EPB41L3: variants seen among roughly 807,000 people sequenced by gnomAD.
EPB41L3 encodes the protein band 4.1-like protein 3.
A neutral mutation model predicts 127.1 loss-of-function variants in EPB41L3; 57 were observed. That is an observed-to-expected ratio of 0.45 (90% CI 0.36 to 0.56). EPB41L3 has a LOEUF of 0.56. Among genes scored for constraint, EPB41L3 ranks in the 20% least tolerant of loss-of-function variants. The pLI, the probability that EPB41L3 is intolerant of heterozygous loss-of-function variation, is 0.00. For missense variants in EPB41L3, 1,273 were observed against 1,372.2 expected, an observed-to-expected ratio of 0.93 and a Z score of 1.14; for synonymous variants, 572 against 549.5, an observed-to-expected ratio of 1.04 and a Z score of -0.57.
chr18:5,531,336 T>G (rs562122126), intron 1 of EPB41L3, among the ~76,000 whole-genome samples: 1 of 152,234 alleles, frequency 6.6e-6, no homozygotes, highest in South Asian at 2.1e-4. Context: ...GCAGTCAAAA[T>G]TCAGAAAAGG....
intron 3 of EPB41L3, among the ~76,000 whole-genome samples, chr18:5,468,565 C>CT (rs1170631514): frequency 6.6e-6 from 1 of 152,180 alleles, no homozygotes; most frequent in African/African-American, 2.4e-5. Flanking sequence ...CCTCTGAGGG[C>CT]TGCACACTCG....
chr18:5,488,579 G>GATAATAATAATAATAATAATAATA lies in EPB41L3; in HGVS notation c.183+421_183+422insTATTATTATTATTATTATTATTAT, dbSNP rs1358108812. On this transcript the variant is annotated intron_variant, in intron 2 of 22. Transcript: ENST00000341928. ...AAAGTATAATAATAATGATGATGAT[G>GATAATAATAATAATAATAATAATA]ATGATAATAATAATAATAATAATAA... 2.4e-4 allele frequency among the ~76,000 whole-genome samples: 36 copies of GATAATAATAATAATAATAATAATA among 148,818 alleles called. No homozygotes were observed. The East Asian group carries it at 2.8e-3, about 11-fold the overall frequency.
rs565496501 is a variant in EPB41L3, at chr18:5,601,243, C to A, written c.-306+11097G>T. Reference sequence around the variant, plus strand: ...TCTAAGTCTTGAGACTCTTAATGGACTGTAACTAGAGAAGGAGATAAGGCT... The same window carrying A: ...TCTAAGTCTTGAGACTCTTAATGGAATGTAACTAGAGAAGGAGATAAGGCT... On this transcript the variant is annotated intron_variant, in intron 3 of 21. Transcript: ENST00000545076. Among the ~76,000 whole-genome samples, 405 of 152,226 alleles carry A rather than the reference C, an allele frequency of 2.7e-3. 2 individuals are homozygous for A. Among genetic ancestry groups the A allele is most frequent in the African/African-American group, 9.2e-3 (384 of 41,532 alleles).
intron 1 of EPB41L3, among the ~76,000 whole-genome samples, chr18:5,499,086 A>G (rs548910345): frequency 6.7e-6 from 1 of 149,864 alleles, no homozygotes; most frequent in Non-Finnish European, 1.5e-5. Flanking sequence ...GCCTGAGAAC[A>G]TAAAGGAAGC....
intron 6 of EPB41L3, among the ~76,000 whole-genome samples, chr18:5,437,094 A>G (rs1360568652): frequency 6.6e-6 from 1 of 152,206 alleles, no homozygotes; most frequent in Non-Finnish European, 1.5e-5. Flanking sequence ...GAAGCCTAGA[A>G]GGTCAGAGCA....
intron 3 of EPB41L3, among the ~76,000 whole-genome samples, chr18:5,471,549 C>T (rs989873451): frequency 5.3e-5 from 8 of 152,276 alleles, no homozygotes; most frequent in South Asian, 2.1e-4. Flanking sequence ...GACTGCTTTC[C>T]GCATTAAACC....
chr18:5,597,208 G>A (rs141727959), intron 3 of EPB41L3, among the ~76,000 whole-genome samples: 2,205 of 152,204 alleles, frequency 0.014, 30 homozygotes, highest in Non-Finnish European at 0.022. Context: ...CTCCTCAAGT[G>A]CCTTTTGGTT....
At chr18:5,455,820 A>T (rs2082969465) in intron 3 of EPB41L3, among the ~76,000 whole-genome samples, 1 of 151,054 alleles carries the variant, frequency 6.6e-6, no homozygotes, top group Non-Finnish European at 1.5e-5. Flanking sequence ...TTGGCAGCAA[A>T]CTGTCAGACA....
At chr18:5,549,986 G>C (rs1010587261) in intron 3 of EPB41L3, among the ~76,000 whole-genome samples, 6 of 152,186 alleles carry the variant, frequency 3.9e-5, no homozygotes, top group African/African-American at 1.4e-4. Flanking sequence ...CAGTTCATTA[G>C]CAGTAAGTAT....
chr18:5,483,275 A>T (rs945262666), intron 2 of EPB41L3, among the ~76,000 whole-genome samples: 3 of 152,080 alleles, frequency 2.0e-5, no homozygotes, highest in African/African-American at 7.2e-5. Context: ...ATTTGTTTAA[A>T]ATAACTTGCT....
At chr18:5,496,657 T>C (rs902165854) in intron 1 of EPB41L3, among the ~76,000 whole-genome samples, 3 of 152,244 alleles carry the variant, frequency 2.0e-5, no homozygotes, top group Non-Finnish European at 4.4e-5. Context: ...GGCCTGATTA[T>C]CTAAGATTTC....
chr18:5,413,526 A>C (rs984842268), intron 13 of EPB41L3, among the ~76,000 whole-genome samples: 1 of 152,258 alleles, frequency 6.6e-6, no homozygotes, highest in Non-Finnish European at 1.5e-5. Context: ...GAAAGTGACA[A>C]GGCTGAATTG....
At chr18:5,441,330 A>G (rs8089444) in intron 5 of EPB41L3, among the ~76,000 whole-genome samples, 3,912 of 152,272 alleles carry the variant, frequency 0.026, 195 homozygotes, top group African/African-American at 0.09. Context: ...TTGGAAGTGG[A>G]GATGATGGTA....
chr18:5,540,471 A>C (rs2093688173), intron 1 of EPB41L3: 1 of 985,412 alleles, frequency 1.0e-6, no homozygotes. Flanking sequence ...TAGTGATGTC[A>C]CAACACCAGG....
At chr18:5,535,664 G>C (rs1312271692) in intron 1 of EPB41L3, among the ~76,000 whole-genome samples, 1 of 152,162 alleles carries the variant, frequency 6.6e-6, no homozygotes, top group Non-Finnish European at 1.5e-5. Flanking sequence ...AGAAGCCTGG[G>C]TGCACCATTC....
chr18:5,560,886 T>A (rs909327317), intron 3 of EPB41L3, among the ~76,000 whole-genome samples: 3 of 152,152 alleles, frequency 2.0e-5, no homozygotes, highest in Admixed American at 1.3e-4. Flanking sequence ...AGTGATCGGC[T>A]GCATGACATG....
intron 3 of EPB41L3, among the ~76,000 whole-genome samples, chr18:5,549,366 C>T (rs185263526): frequency 6.6e-6 from 1 of 152,250 alleles, no homozygotes; most frequent in East Asian, 1.9e-4. Flanking sequence ...ATATCTTTGT[C>T]CCTTAAAATA....
chr18:5,546,784 C>T (rs2093888136), upstream of EPB41L3, among the ~76,000 whole-genome samples: 1 of 152,152 alleles, frequency 6.6e-6, no homozygotes, highest in South Asian at 2.1e-4. Context: ...TTGCCTGCAT[C>T]TTGATAATAG....
At chr18:5,613,038 C>A (rs770242032) in intron 2 of EPB41L3, among the ~76,000 whole-genome samples, 2 of 152,216 alleles carry the variant, frequency 1.3e-5, no homozygotes, top group African/African-American at 4.8e-5. Context: ...CTGTGCCCAG[C>A]ATGTTTCCAA....
Sources: allele counts gnomAD v4.1 joint callset (sites outside exome capture counted in the v4.1 genomes callset), GRCh38; gene constraint gnomAD v4.1.1; transcripts MANE v1.5; gene names NCBI Gene and HGNC (gene_info 2026-07-23, HGNC 2026-07-21).